Variants in CD84 observed in about 807,000 individuals in gnomAD.
CD84 encodes SLAM family member 5.
CD84 carries 22 observed loss-of-function variants against 33.8 expected under a neutral mutation model. The ratio of observed to expected loss-of-function variants is 0.65; its 90% CI spans 0.46 to 0.93. The LOEUF is 0.93. CD84 is among the 40% of genes least tolerant of loss of function. The pLI is 0.00. For missense variants in CD84, 400 were observed against 397.6 expected, an observed-to-expected ratio of 1.01 and a Z score of -0.05; for synonymous variants, 154 against 145.2, an observed-to-expected ratio of 1.06 and a Z score of -0.44.
At chr1:160,555,845 A>G (rs1019695289) in intron 2 of CD84, among the ~76,000 whole-genome samples, 1 of 152,246 alleles carries the variant, frequency 6.6e-6, no homozygotes, top group Admixed American at 6.5e-5. Context: ...GGAACTCAAC[A>G]TGAACAGTAA....
Position 160,565,697 on chromosome 1 carries a change from A to G in CD84, c.95T>C (p.Ile32Thr). 6.2e-7 allele frequency: 1 copy of G among 1,613,436 alleles called. No homozygotes were observed. The highest frequency in any genetic ancestry group is 1.7e-5 in the Admixed American group (1 of 59,902). The change falls in exon 2 of 7, where the codon ATT becomes ACT. Residue 32 changes from isoleucine to threonine, a missense_variant. Physicochemically the swap from Ile to Thr is moderately conservative, Grantham distance 89 (BLOSUM62 -1). Transcript: ENST00000368054. The part of the protein sequence containing the change: ...KDSEIFTVNG[I>T]LGESVTFPVN... ...AGGGAAAGTGACTGACTCTCCCAGA[A>G]TCCCATTCACTGTGAAGATTTCTGA...
chr1:160,576,878 A>G (rs1392766323), intron 1 of CD84, among the ~76,000 whole-genome samples: 1 of 152,204 alleles, frequency 6.6e-6, no homozygotes, highest in Non-Finnish European at 1.5e-5. Flanking sequence ...TATTACTATT[A>G]TTGATGGGAG....
At chr1:160,553,783 G>T (rs766269384) in intron 3 of CD84, 112 bp downstream of exon 3, 13 of 1,526,288 alleles carry the variant, frequency 8.5e-6, no homozygotes, top group Non-Finnish European at 9.8e-6. Context: ...CAGTGACCAG[G>T]CCAAAGATAA....
chr1:160,541,151 A>G lies in CD84; in HGVS notation c.*7105T>C, dbSNP rs1159940783. On this transcript the variant is annotated 3_prime_UTR_variant, in exon 7 of 7. Coordinates refer to ENST00000368054, the MANE Select transcript of CD84 (RefSeq NM_003874.4). ...CTGCTGAAATGGAGCTTGTAGTCTC[A>G]TTTCTTAGGCACTTACAAGGTAAAA... The G allele has an allele frequency of 6.6e-6, 1 of 152,222 alleles. No individual in the cohort carries two copies. Among genetic ancestry groups the G allele is most frequent in the African/African-American group, 2.4e-5 (1 of 41,464 alleles). The allele number at this position is 152,222 out of a possible 1,614,324, so 9.4% of individuals were successfully genotyped here.
intron 2 of CD84, among the ~76,000 whole-genome samples, chr1:160,563,489 T>C (rs960261490): frequency 6.6e-6 from 1 of 152,052 alleles, no homozygotes; most frequent in Non-Finnish European, 1.5e-5. Context: ...AGCAAACTAA[T>C]GCAGGAACAG....
At position 160,565,448 on chromosome 1, in the gene CD84, G is replaced by A. The variant is rs1013796013; in HGVS notation, c.344C>T (p.Ala115Val). The change falls in exon 2 of 7, where the codon GCT becomes GTT. Residue 115 changes from alanine to valine, a missense_variant. Physicochemically the swap from Ala to Val is moderately conservative, Grantham distance 64. Coordinates refer to ENST00000368054, the MANE Select transcript of CD84 (RefSeq NM_003874.4). Reference sequence around the variant, plus strand: ...GCGCTTGGTGGTGGTGTAGGGATCAGCCTGTGTATTTATGTCTGCTTTGTA... The same window carrying A: ...GCGCTTGGTGGTGGTGTAGGGATCAACCTGTGTATTTATGTCTGCTTTGTA... Reference protein sequence around the residue: ...GDYKADINTQADPYTTTKRYN... With the variant: ...GDYKADINTQVDPYTTTKRYN... 2 of 1,613,674 alleles carry A rather than the reference G, an allele frequency of 1.2e-6. No individual in the cohort carries two copies. Among genetic ancestry groups the A allele is most frequent in the Non-Finnish European group, 1.7e-6 (2 of 1,179,750 alleles).
chr1:160,553,565 C>T (rs1656393171), intron 3 of CD84, 68 bp from the exon 4 acceptor site: 2 of 1,585,384 alleles, frequency 1.3e-6, no homozygotes, highest in Admixed American at 1.7e-5. Flanking sequence ...GCAGGTTTGC[C>T]CACAGTCAGG....
chr1:160,576,256 G>A (rs1447621181), intron 1 of CD84, among the ~76,000 whole-genome samples: 2 of 152,222 alleles, frequency 1.3e-5, no homozygotes, highest in East Asian at 1.9e-4. Context: ...AGAATTTTAG[G>A]TCTCAACTGC....
chr1:160,544,725 T>C lies in CD84; in HGVS notation c.*3531A>G, dbSNP rs1655725050. On this transcript the variant is annotated 3_prime_UTR_variant, in exon 7 of 7. Coordinates refer to ENST00000368054, the MANE Select transcript of CD84 (RefSeq NM_003874.4). ...GTAGTTTACAGTGTTCTACAGATTT[T>C]TTAAATCATATTTTAAACAAGCTTC... 6.6e-6 allele frequency: 1 copy of C among 152,178 alleles called. No homozygotes were observed. The highest frequency in any genetic ancestry group is 2.4e-5 in the African/African-American group (1 of 41,428). The allele number at this position is 152,178 out of a possible 1,614,324, so 9.4% of individuals were successfully genotyped here. A position where few individuals can be genotyped will look rare whatever the true frequency, so the allele number is the denominator to read the frequency against.
At chr1:160,556,778 T>C (rs1176246733) in intron 2 of CD84, among the ~76,000 whole-genome samples, 2 of 152,252 alleles carry the variant, frequency 1.3e-5, no homozygotes, top group Non-Finnish European at 2.9e-5. Flanking sequence ...CTCTAAGATA[T>C]TACTGTACTG....
At chr1:160,556,465 A>G (rs1416134490) in intron 2 of CD84, among the ~76,000 whole-genome samples, 1 of 152,180 alleles carries the variant, frequency 6.6e-6, no homozygotes, top group Non-Finnish European at 1.5e-5. Context: ...CTAATTACCT[A>G]TTTACTTATC....
chr1:160,577,629 C>T (rs1217332752), intron 1 of CD84, among the ~76,000 whole-genome samples: 2 of 152,120 alleles, frequency 1.3e-5, no homozygotes, highest in Non-Finnish European at 2.9e-5. Context: ...GAGTCCTGCC[C>T]AGGATCTCTG....
In CD84 at chr1:160,552,696, A is replaced by T. The variant is rs933456168; in HGVS notation, c.760+682T>A. 1.4e-5 allele frequency: 21 copies of T among 1,543,324 alleles called. No homozygotes were observed. In the African/African-American group the frequency reaches 2.2e-4, roughly 16 times the overall value. The stretch of plus-strand genomic sequence containing the variant: ...TGTTATTCAAGGAACTTTGTGGCTG[A>T]GAACTTACAAGGGTTCTTAGTGAAG... On this transcript the variant is annotated intron_variant, in intron 4 of 6. Coordinates refer to ENST00000368054, the MANE Select transcript of CD84 (RefSeq NM_003874.4).
chr1:160,543,048 T>C lies in CD84; in HGVS notation c.*5208A>G, dbSNP rs1274518873. On this transcript the variant is annotated 3_prime_UTR_variant, in exon 7 of 7. Transcript: ENST00000368054. ...TATTTTATATTAACTCATCAGAATG[T>C]TTATGACCTGAAACCCCTGCCTGTC... The C allele has an allele frequency of 1.3e-5, 2 of 152,166 alleles. No individual in the cohort carries two copies. The highest frequency in any genetic ancestry group is 2.9e-5 in the Non-Finnish European group (2 of 68,034). The allele number at this position is 152,166 out of a possible 1,614,324, so 9.4% of individuals were successfully genotyped here.
In CD84 at chr1:160,549,788, T is replaced by C. The variant is rs1299979971; in HGVS notation, c.921+129A>G. The C allele has an allele frequency of 1.2e-5, 9 of 769,590 alleles. No individual in the cohort carries two copies. The East Asian group carries it at 2.2e-4, about 19-fold the overall frequency. The allele number at this position is 769,590 out of a possible 1,614,324, so 47.7% of individuals were successfully genotyped here. A position where few individuals can be genotyped will look rare whatever the true frequency, so the allele number is the denominator to read the frequency against. On this transcript the variant is annotated intron_variant, in intron 6 of 6. Coordinates refer to ENST00000368054, the MANE Select transcript of CD84 (RefSeq NM_003874.4). ...TGGAAGTACATATAGACCAAAAACC[T>C]AGGCAGTGGGTCCTGAGAACTACAA...
At chr1:160,573,486 C>T (rs1657814807) in intron 1 of CD84, among the ~76,000 whole-genome samples, 1 of 152,186 alleles carries the variant, frequency 6.6e-6, no homozygotes, top group South Asian at 2.1e-4. Flanking sequence ...CACATCAGCT[C>T]CCTCTGTTCT....
chr1:160,563,505 C>T (rs184455587), intron 2 of CD84, among the ~76,000 whole-genome samples: 133 of 152,192 alleles, frequency 8.7e-4, no homozygotes, highest in African/African-American at 2.8e-3. Context: ...AACAGAAAAC[C>T]GAACACCACA....
rs1655858145 is a variant in CD84 at position 160,546,862 on chromosome 1, GCA to G, written c.*1392_*1393del. The G allele has an allele frequency of 2.9e-6, 1 of 350,642 alleles. No homozygotes were observed. The highest frequency in any genetic ancestry group is 5.1e-6 in the Non-Finnish European group (1 of 195,782). The allele number at this position is 350,642 out of a possible 1,614,324, so 21.7% of individuals were successfully genotyped here. ...TGCACATCTTCTACTTTGGGGCCTT[GCA>G]GCTCCTAACATAGTGCTAATGGTAG... On this transcript the variant is annotated 3_prime_UTR_variant, in exon 7 of 7. Transcript: ENST00000368054.
chr1:160,565,327 G>GAAA (rs1657251140), intron 2 of CD84, 77 bp downstream of exon 2: 2 of 1,091,254 alleles, frequency 1.8e-6, no homozygotes, highest in Non-Finnish European at 2.7e-6. Flanking sequence ...CCAATTATCA[G>GAAA]AAATGTAGAT....
Sources: gnomAD v4.1 joint callset for allele counts (sites outside exome capture counted in the v4.1 genomes callset) on GRCh38, gnomAD v4.1.1 for gene constraint, MANE v1.5 for transcripts, NCBI Gene and HGNC (gene_info 2026-07-23, HGNC 2026-07-21) for gene names.